Variants in COL11A1 observed in about 807,000 individuals in gnomAD.
COL11A1 encodes collagen type XI alpha 1 chain, also known as collagen alpha-1(XI) chain.
A neutral mutation model predicts 265.2 loss-of-function variants in COL11A1; 74 were observed. The observed-to-expected ratio is 0.28, with a 90% CI of 0.23 to 0.34. The LOEUF (loss-of-function observed/expected upper bound fraction) is 0.34, where lower values mean the gene tolerates loss of function less well. Among genes scored for constraint, COL11A1 ranks in the 10% least tolerant of loss-of-function variants. COL11A1 has a pLI of 1.00. For synonymous variants in COL11A1, 816 were observed against 727.6 expected (o/e 1.12, Z -1.96); for missense variants, 2,165 against 2,263.6 (o/e 0.96, Z 0.88).
rs766017266 is a variant in COL11A1 at position 103,004,604 on chromosome 1, A to G, written c.1899+4T>C. On this transcript the variant is annotated splice_donor_region_variant and intron_variant, in intron 19 of 66. Coordinates refer to ENST00000370096, the MANE Select transcript of COL11A1 (RefSeq NM_001854.4). ...ATTTCTTAAGAAAAGAAGTATTAAC[A>G]TACCCTCATTCCATCATCACCAGGA... 2.5e-6 allele frequency: 4 copies of G among 1,607,096 alleles called. No individual in the cohort carries two copies. The Admixed American group carries it at 5.0e-5, about 20-fold the overall frequency.
intron 42 of COL11A1, among the ~76,000 whole-genome samples, chr1:102,944,745 C>A (rs987816793): frequency 1.3e-5 from 2 of 152,048 alleles, no homozygotes; most frequent in East Asian, 3.8e-4. Context: ...AATATATTAT[C>A]TTCACAGAAA....
chr1:102,935,002 C>T, intron 45 of COL11A1, 58 bp downstream of exon 45: 4 of 1,544,782 alleles, frequency 2.6e-6, no homozygotes, highest in Non-Finnish European at 3.6e-6. Context: ...GGACAGTATA[C>T]AAATTTAATC....
At chr1:102,987,833 A>G (rs538478433) in intron 29 of COL11A1, 93 bp from the exon 30 acceptor site, 1 of 899,734 alleles carries the variant, frequency 1.1e-6, no homozygotes, top group Non-Finnish European at 1.9e-6. Flanking sequence ...GAGATCTGAT[A>G]TAATAAACTC....
chr1:103,056,785 C>T (rs1029647420), intron 4 of COL11A1, among the ~76,000 whole-genome samples: 2 of 152,058 alleles, frequency 1.3e-5, no homozygotes, highest in Non-Finnish European at 2.9e-5. Flanking sequence ...TTTCTCAGTA[C>T]ATATAAAAGT....
intron 4 of COL11A1, among the ~76,000 whole-genome samples, chr1:103,043,731 G>T (rs1557987564): frequency 6.6e-6 from 1 of 151,862 alleles, no homozygotes; most frequent in Non-Finnish European, 1.5e-5. Flanking sequence ...TCAATTAAAG[G>T]AAAACAAACC....
chr1:102,971,433 T>A (rs1016885614), intron 36 of COL11A1, among the ~76,000 whole-genome samples: 1 of 152,120 alleles, frequency 6.6e-6, no homozygotes, highest in Admixed American at 6.6e-5. Context: ...GGTCAACGGG[T>A]AGAGATAAAA....
chr1:102,967,370 A>G (rs1267700508), intron 37 of COL11A1, among the ~76,000 whole-genome samples: 1 of 149,344 alleles, frequency 6.7e-6, no homozygotes, highest in Non-Finnish European at 1.5e-5. Flanking sequence ...CCTCCAGAGT[A>G]GCTGGGACTA....
chr1:103,049,082 T>C (rs529460366), intron 4 of COL11A1, among the ~76,000 whole-genome samples: 5 of 152,196 alleles, frequency 3.3e-5, no homozygotes, highest in Admixed American at 2.6e-4. Flanking sequence ...GCTGTTGATT[T>C]GGGGTGGAGA....
intron 4 of COL11A1, among the ~76,000 whole-genome samples, chr1:103,047,644 A>C (rs980971832): frequency 6.6e-6 from 1 of 152,148 alleles, no homozygotes; most frequent in South Asian, 2.1e-4. Flanking sequence ...CGCTATGTTG[A>C]ATAGGAGTGG....
At chr1:103,039,856 C>CTA (rs889336895) in intron 4 of COL11A1, among the ~76,000 whole-genome samples, 6 of 151,748 alleles carry the variant, frequency 4.0e-5, no homozygotes, top group African/African-American at 1.5e-4. Context: ...TAATAACTGA[C>CTA]TATATCCAGG....
chr1:103,015,348 G>T (rs1467496191), intron 12 of COL11A1, among the ~76,000 whole-genome samples: 1 of 151,726 alleles, frequency 6.6e-6, no homozygotes, highest in Non-Finnish European at 1.5e-5. Context: ...ATGGTAAATA[G>T]TATATTAATG....
At chr1:102,893,553 A>G (rs1037147516) in intron 57 of COL11A1, among the ~76,000 whole-genome samples, 3 of 152,124 alleles carry the variant, frequency 2.0e-5, no homozygotes, top group Non-Finnish European at 4.4e-5. Context: ...TCTTTCGGAT[A>G]TTGTAAATTG....
Position 102,889,508 on chromosome 1 carries a change from C to T in COL11A1, c.4411G>A (p.Gly1471Ser), listed in dbSNP as rs1057522949. Residue 1471 changes from glycine (G) to serine (S), a missense_variant, in exon 59 of 67, where the codon GGT becomes AGT. Transcript: ENST00000370096. ...IGPPGEQGEK[G>S]DRGLPGTQGS... ...TGAGTTCCAGGGAGCCCTCGGTCAC[C>T]TTTTTCCCCTTGTTCTCCTGGAGGA... 2 of 1,613,308 alleles carry T rather than the reference C, an allele frequency of 1.2e-6. No homozygotes were observed. Among genetic ancestry groups the T allele is most frequent in the Admixed American group, 3.3e-5 (2 of 59,898 alleles).
At chr1:103,057,996 T>C (rs985567871) in intron 4 of COL11A1, among the ~76,000 whole-genome samples, 2 of 152,184 alleles carry the variant, frequency 1.3e-5, no homozygotes, top group African/African-American at 2.4e-5. Context: ...AGCCAGGCAT[T>C]GATTTCTGTT....
intron 4 of COL11A1, among the ~76,000 whole-genome samples, chr1:103,035,829 T>C (rs958086111): frequency 6.6e-6 from 1 of 151,488 alleles, no homozygotes; most frequent in Non-Finnish European, 1.5e-5. Context: ...AGTTTTTTTG[T>C]AAATTATTTT....
chr1:102,891,489 G>A (rs1651774790), intron 57 of COL11A1, among the ~76,000 whole-genome samples: 1 of 151,748 alleles, frequency 6.6e-6, no homozygotes, highest in Non-Finnish European at 1.5e-5. Context: ...TGAAAATTAT[G>A]GCATGACTTT....
At chr1:102,919,214 A>T (rs1655692454) in intron 49 of COL11A1, among the ~76,000 whole-genome samples, 2 of 152,044 alleles carry the variant, frequency 1.3e-5, no homozygotes, top group South Asian at 4.1e-4. Flanking sequence ...GAATATATTA[A>T]AAAAGGCAGT....
chr1:103,062,939 GA>G (rs1316324081), intron 4 of COL11A1, among the ~76,000 whole-genome samples: 2 of 151,816 alleles, frequency 1.3e-5, no homozygotes, highest in East Asian at 3.9e-4. Flanking sequence ...TTCTTAAGAA[GA>G]ATTTGAAATT....
intron 4 of COL11A1, among the ~76,000 whole-genome samples, chr1:103,044,669 G>A (rs1350398121): frequency 6.6e-6 from 1 of 152,038 alleles, no homozygotes; most frequent in East Asian, 1.9e-4. Flanking sequence ...TTCCTTGTCT[G>A]CTATAGATGA....
Sources: allele counts gnomAD v4.1 joint callset (sites outside exome capture counted in the v4.1 genomes callset), GRCh38; gene constraint gnomAD v4.1.1; transcripts MANE v1.5; gene names NCBI Gene and HGNC (gene_info 2026-07-23, HGNC 2026-07-21).